The following RASGRF2 variants were observed in gnomAD, a reference collection of about 807,000 sequenced individuals.
RASGRF2 encodes the protein ras-specific guanine nucleotide-releasing factor 2.
Under a neutral mutation model 151.0 loss-of-function variants are expected in RASGRF2, and 76 were observed. That is an observed-to-expected ratio of 0.50 (90% CI 0.42 to 0.61). The LOEUF (loss-of-function observed/expected upper bound fraction) is 0.61, where lower values mean the gene tolerates loss of function less well. Ranked by LOEUF, RASGRF2 falls within the 20% of genes least tolerant of loss-of-function variation. The pLI is 0.00. For synonymous variants in RASGRF2, 504 were observed against 566.5 expected (o/e 0.89, Z 1.57); for missense variants, 1,148 against 1,564.6 (o/e 0.73, Z 4.49).
At chr5:81,148,089 A>G (rs1265375820) in intron 17 of RASGRF2, among the ~76,000 whole-genome samples, 1 of 152,186 alleles carries the variant, frequency 6.6e-6, no homozygotes, top group Non-Finnish European at 1.5e-5. Context: ...TTATGGATTT[A>G]CGAAGACCTA....
chr5:81,177,684 G>A (rs1754807058), intron 17 of RASGRF2, among the ~76,000 whole-genome samples: 1 of 151,620 alleles, frequency 6.6e-6, no homozygotes, highest in Non-Finnish European at 1.5e-5. Flanking sequence ...TTTCAAATGT[G>A]CTAAGTACCA....
chr5:81,218,215 G>A (rs1755786821), intron 25 of RASGRF2, among the ~76,000 whole-genome samples: 1 of 152,168 alleles, frequency 6.6e-6, no homozygotes, highest in Admixed American at 6.5e-5. Context: ...GGTGGATACT[G>A]GGACTAATAC....
chr5:81,140,056 C>T lies in RASGRF2; in HGVS notation c.2686+12893C>T, dbSNP rs532937902. Among the ~76,000 whole-genome samples the T allele has an allele frequency of 1.4e-3, 220 of 152,146 alleles. 1 individual carries two copies. The highest frequency in any genetic ancestry group is 0.01 in the Middle Eastern group (3 of 294). Reference sequence around the variant, plus strand: ...GTTGCCCAGGCTGGTCTCCAACCCCCGTCCTTAAGTGATCCTCCTGCCTCG... The same window carrying T: ...GTTGCCCAGGCTGGTCTCCAACCCCTGTCCTTAAGTGATCCTCCTGCCTCG... On this transcript the variant is annotated intron_variant, in intron 17 of 26. Transcript: ENST00000265080.
At chr5:81,106,479 A>G (rs769846946) in intron 12 of RASGRF2, among the ~76,000 whole-genome samples, 8 of 152,160 alleles carry the variant, frequency 5.3e-5, no homozygotes, top group Non-Finnish European at 1.2e-4. Context: ...GTGGCTTCCC[A>G]TCTGCCTATA....
intron 17 of RASGRF2, among the ~76,000 whole-genome samples, chr5:81,179,658 T>C (rs1374903817): frequency 6.6e-6 from 1 of 152,250 alleles, no homozygotes; most frequent in African/African-American, 2.4e-5. Context: ...AAATCTACTC[T>C]TGTAGTATTT....
At chr5:80,999,262 A>G (rs1749000459) in intron 1 of RASGRF2, among the ~76,000 whole-genome samples, 1 of 152,108 alleles carries the variant, frequency 6.6e-6, no homozygotes, top group Non-Finnish European at 1.5e-5. Context: ...CTTTATGGGG[A>G]TAAGATGGGG....
intron 1 of RASGRF2, among the ~76,000 whole-genome samples, chr5:81,001,529 A>G (rs1396675273): frequency 6.6e-6 from 1 of 152,124 alleles, no homozygotes. Flanking sequence ...CCTTGGGAAC[A>G]TGAAGATGCT....
chr5:81,149,541 A>G lies in RASGRF2; in HGVS notation c.2686+22378A>G, dbSNP rs922946149. ...TGGGTACATTGTACACTACTTGGTGATGGGGGCACCAAAGTCTCAGAAATC... is the reference window on the plus strand; with the variant it reads ...TGGGTACATTGTACACTACTTGGTGGTGGGGGCACCAAAGTCTCAGAAATC... On this transcript the variant is annotated intron_variant, in intron 17 of 26. Coordinates refer to ENST00000265080, the MANE Select transcript of RASGRF2 (RefSeq NM_006909.3). Among the ~76,000 whole-genome samples the G allele has an allele frequency of 7.2e-5, 11 of 152,130 alleles. No individual in the cohort carries two copies. The South Asian group carries it at 1.7e-3, about 23-fold the overall frequency.
intron 18 of RASGRF2, among the ~76,000 whole-genome samples, chr5:81,188,179 T>C (rs1755074426): frequency 1.3e-5 from 2 of 152,168 alleles, no homozygotes; most frequent in African/African-American, 4.8e-5. Context: ...AGGGTACTTT[T>C]CTGTCACACT....
chr5:81,080,516 C>T (rs562745253), intron 6 of RASGRF2, 80 bp from the exon 7 acceptor site: 2 of 1,387,894 alleles, frequency 1.4e-6, no homozygotes, highest in African/African-American at 1.4e-5. Context: ...GTGCTGGGAC[C>T]CACTCTTTGC....
chr5:81,144,236 G>A (rs1753952599), intron 17 of RASGRF2, among the ~76,000 whole-genome samples: 1 of 152,154 alleles, frequency 6.6e-6, no homozygotes. Context: ...AGTAATCTAT[G>A]GAAACATACT....
At chr5:80,983,862 T>C (rs1376584221) in intron 1 of RASGRF2, among the ~76,000 whole-genome samples, 2 of 152,210 alleles carry the variant, frequency 1.3e-5, no homozygotes, top group African/African-American at 4.8e-5. Context: ...ATTATTAAAG[T>C]TAATTTTACT....
At chr5:81,070,629 T>A in intron 4 of RASGRF2, 48 bp downstream of exon 4, 1 of 1,500,818 alleles carries the variant, frequency 6.7e-7, no homozygotes, top group Non-Finnish European at 9.3e-7. Flanking sequence ...TGACCAGTCG[T>A]CTGTTCTATG....
chr5:81,033,804 C>T (rs1580231485), intron 1 of RASGRF2, among the ~76,000 whole-genome samples: 1 of 152,040 alleles, frequency 6.6e-6, no homozygotes, highest in African/African-American at 2.4e-5. Flanking sequence ...AAATGGGATC[C>T]AATTAAACTA....
At chr5:81,115,631 G>T (rs558365803) in intron 15 of RASGRF2, among the ~76,000 whole-genome samples, 1 of 152,246 alleles carries the variant, frequency 6.6e-6, no homozygotes, top group South Asian at 2.1e-4. Flanking sequence ...TTTTGTTTTT[G>T]TTGAGGAAAC....
chr5:80,985,007 C>T (rs1438170124), intron 1 of RASGRF2, among the ~76,000 whole-genome samples: 2 of 152,154 alleles, frequency 1.3e-5, no homozygotes, highest in East Asian at 1.9e-4. Flanking sequence ...TTCTGGAGTT[C>T]GAGACCAGCC....
At chr5:80,978,717 G>A (rs750574815) in intron 1 of RASGRF2, among the ~76,000 whole-genome samples, 1 of 152,104 alleles carries the variant, frequency 6.6e-6, no homozygotes, top group Non-Finnish European at 1.5e-5. Flanking sequence ...AACCCAGGAG[G>A]CGGAGGCTGC....
At chr5:81,085,098 T>C (rs931066111) in intron 7 of RASGRF2, among the ~76,000 whole-genome samples, 1 of 152,122 alleles carries the variant, frequency 6.6e-6, no homozygotes, top group Non-Finnish European at 1.5e-5. Flanking sequence ...CCCGAGTGGG[T>C]AATGTTGTGG....
intron 2 of RASGRF2, among the ~76,000 whole-genome samples, chr5:81,059,135 G>A (rs969268177): frequency 6.6e-6 from 1 of 152,066 alleles, no homozygotes; most frequent in African/African-American, 2.4e-5. Context: ...TGTAATCCCA[G>A]CACTTTGGGA....
Sources: allele counts gnomAD v4.1 joint callset (sites outside exome capture counted in the v4.1 genomes callset), GRCh38; gene constraint gnomAD v4.1.1; transcripts MANE v1.5; gene names NCBI Gene and HGNC (gene_info 2026-07-23, HGNC 2026-07-21).